PLD5: variants seen among roughly 807,000 people sequenced by gnomAD.
The protein encoded by PLD5 is phospholipase D family member 5, also known as inactive phospholipase D5.
PLD5 carries 36 observed loss-of-function variants against 61.1 expected under a neutral mutation model. That is an observed-to-expected ratio of 0.59 (90% CI 0.45 to 0.78). The LOEUF (loss-of-function observed/expected upper bound fraction) is 0.78. PLD5 is among the 30% of genes least tolerant of loss of function. PLD5 has a pLI of 0.00. For missense variants in PLD5, 515 were observed against 644.4 expected (o/e 0.80, Z 2.17); for synonymous variants, 243 against 242.8 (o/e 1.00, Z -0.01).
At chr1:242,465,727 G>C (rs539804250) in intron 1 of PLD5, among the ~76,000 whole-genome samples, 1 of 152,264 alleles carries the variant, frequency 6.6e-6, no homozygotes, top group South Asian at 2.1e-4. Context: ...AGGAGTTCAA[G>C]ACTGGCCTGG....
At chr1:242,375,025 T>C (rs1044008922) in intron 1 of PLD5, among the ~76,000 whole-genome samples, 1 of 152,180 alleles carries the variant, frequency 6.6e-6, no homozygotes, top group African/African-American at 2.4e-5. Context: ...CCCTGTGGCT[T>C]TACAGTTTAC....
chr1:242,365,792 A>T, intron 1 of PLD5: 1 of 192,224 alleles, frequency 5.2e-6, no homozygotes, highest in Admixed American at 5.7e-5. Flanking sequence ...TTATATATCA[A>T]GCGCACCATG....
chr1:242,493,140 A>G (rs1308845553), intron 1 of PLD5, among the ~76,000 whole-genome samples: 1 of 152,184 alleles, frequency 6.6e-6, no homozygotes, highest in African/African-American at 2.4e-5. Context: ...ACAAAACCAT[A>G]AAAGTTGGCA....
intron 1 of PLD5, among the ~76,000 whole-genome samples, chr1:242,392,153 G>C (rs932776672): frequency 2.0e-5 from 3 of 152,184 alleles, no homozygotes; most frequent in Non-Finnish European, 4.4e-5. Context: ...AATTAGCAAA[G>C]GAACAACCAA....
chr1:242,493,609 G>T (rs1216977648), intron 1 of PLD5, among the ~76,000 whole-genome samples: 3 of 152,118 alleles, frequency 2.0e-5, no homozygotes, highest in Non-Finnish European at 4.4e-5. Flanking sequence ...TGGCCACCGA[G>T]GATAGCTGGA....
intron 5 of PLD5, chr1:242,177,651 T>C (rs1667251061): frequency 1.3e-5 from 2 of 152,220 alleles, no homozygotes; most frequent in African/African-American, 4.8e-5. Context: ...TAATTGTTTT[T>C]TGCTTTTCAG....
chr1:242,298,122 A>T lies in PLD5; in HGVS notation c.327-9592T>A, dbSNP rs551661095. Among the ~76,000 whole-genome samples the T allele has an allele frequency of 5.3e-5, 8 of 152,014 alleles. No homozygotes were observed. The South Asian group carries it at 1.7e-3, about 32-fold the overall frequency. On this transcript the variant is annotated intron_variant, in intron 2 of 9. Coordinates refer to ENST00000536534, the MANE Select transcript of PLD5 (RefSeq NM_001372062.1). The stretch of plus-strand genomic sequence containing the variant: ...AGATGTTTCCTTTTTATTAGCTTTT[A>T]AATTGATTGTCAAAGACAATTAGCT...
intron 3 of PLD5, among the ~76,000 whole-genome samples, chr1:242,287,019 C>T (rs1182579673): frequency 6.6e-6 from 1 of 152,128 alleles, no homozygotes; most frequent in Non-Finnish European, 1.5e-5. Flanking sequence ...TTGCTCCTCC[C>T]TTCCTGGACT....
intron 5 of PLD5, among the ~76,000 whole-genome samples, chr1:242,136,437 C>T (rs1223395093): frequency 6.6e-6 from 1 of 152,062 alleles, no homozygotes; most frequent in Non-Finnish European, 1.5e-5. Context: ...TTCACCATAC[C>T]CTCCCCATAG....
chr1:242,126,492 C>A (rs1445102077), intron 5 of PLD5, among the ~76,000 whole-genome samples: 3 of 152,078 alleles, frequency 2.0e-5, no homozygotes, highest in Non-Finnish European at 2.9e-5. Context: ...AATAGAGAAC[C>A]CAGAAATAAG....
chr1:242,275,077 G>A (rs1234466730), intron 3 of PLD5, among the ~76,000 whole-genome samples: 5 of 151,880 alleles, frequency 3.3e-5, no homozygotes, highest in Non-Finnish European at 4.4e-5. Context: ...GTGTGTATAC[G>A]TGCATATAAA....
At chr1:242,484,191 G>C (rs1311227762) in intron 1 of PLD5, among the ~76,000 whole-genome samples, 1 of 152,002 alleles carries the variant, frequency 6.6e-6, no homozygotes, top group Admixed American at 6.6e-5. Context: ...CTAGCAGAAG[G>C]CAAGAAATAA....
At chr1:242,510,265 C>A (rs1051834041) in intron 1 of PLD5, among the ~76,000 whole-genome samples, 2 of 152,022 alleles carry the variant, frequency 1.3e-5, no homozygotes, top group African/African-American at 4.8e-5. Context: ...AAATGGGGAA[C>A]CACGGAATAC....
At chr1:242,396,173 A>G (rs1250511659) in intron 1 of PLD5, among the ~76,000 whole-genome samples, 1 of 152,168 alleles carries the variant, frequency 6.6e-6, no homozygotes, top group Non-Finnish European at 1.5e-5. Context: ...GCAGGACCAG[A>G]TGTGGATGAG....
intron 1 of PLD5, among the ~76,000 whole-genome samples, chr1:242,351,895 T>C (rs1178565274): frequency 2.0e-5 from 3 of 152,266 alleles, no homozygotes; most frequent in Non-Finnish European, 4.4e-5. Flanking sequence ...GTATTCGTCT[T>C]GCCATTTTAT....
chr1:242,119,673 TAAC>T (rs1662219438), intron 6 of PLD5, among the ~76,000 whole-genome samples: 1 of 152,178 alleles, frequency 6.6e-6, no homozygotes, highest in South Asian at 2.1e-4. Flanking sequence ...AGACAGAAAA[TAAC>T]AAGTGTTGCC....
At chr1:242,442,160 C>T (rs763635954) in intron 1 of PLD5, among the ~76,000 whole-genome samples, 1 of 152,128 alleles carries the variant, frequency 6.6e-6, no homozygotes, top group Non-Finnish European at 1.5e-5. Flanking sequence ...ATACCTTGGC[C>T]GATGCCCATC....
At chr1:242,175,874 C>A (rs1482195354) in intron 5 of PLD5, among the ~76,000 whole-genome samples, 1 of 151,568 alleles carries the variant, frequency 6.6e-6, no homozygotes, top group South Asian at 2.1e-4. Context: ...ATAGAACTTA[C>A]CAAGGGGTGT....
intron 3 of PLD5, among the ~76,000 whole-genome samples, chr1:242,271,428 A>C (rs1674076569): frequency 6.6e-6 from 1 of 152,204 alleles, no homozygotes; most frequent in Non-Finnish European, 1.5e-5. Context: ...GCAAATTTGA[A>C]AAAAACTTAG....
Sources: allele counts gnomAD v4.1 joint callset (sites outside exome capture counted in the v4.1 genomes callset), GRCh38; gene constraint gnomAD v4.1.1; transcripts MANE v1.5; gene names NCBI Gene and HGNC (gene_info 2026-07-23, HGNC 2026-07-21).